The following RAB28 variants were observed in gnomAD, a reference collection of about 807,000 sequenced individuals.
RAB28 encodes RAB28, member RAS oncogene family, also known as ras-related protein Rab-28.
RAB28 carries 24 observed loss-of-function variants against 31.7 expected under a neutral mutation model. The ratio of observed to expected loss-of-function variants is 0.76; its 90% confidence interval spans 0.55 to 1.06. The LOEUF (loss-of-function observed/expected upper bound fraction) is 1.06. RAB28 is among the 50% of genes least tolerant of loss of function. The probability of loss-of-function intolerance (pLI) is 0.00; values close to 1 mark genes in which losing one functional copy is unlikely to be tolerated. For missense variants in RAB28, 254 were observed against 258.5 expected, an observed-to-expected ratio of 0.98 and a Z score of 0.12; for synonymous variants, 100 against 90.4, an observed-to-expected ratio of 1.11 and a Z score of -0.60.
chr4:13,394,439 G>A (rs1358659345), intron 4 of RAB28, among the ~76,000 whole-genome samples: 1 of 152,140 alleles, frequency 6.6e-6, no homozygotes, highest in African/African-American at 2.4e-5. Context: ...CTGACAGGAG[G>A]TGGAGCTCAG....
At chr4:13,416,500 A>G (rs553764885) in intron 4 of RAB28, among the ~76,000 whole-genome samples, 1 of 152,368 alleles carries the variant, frequency 6.6e-6, no homozygotes, top group South Asian at 2.1e-4. Flanking sequence ...GTTTAACAAC[A>G]TAGCCAAGTT....
chr4:13,385,183 C>T lies in RAB28; in HGVS notation c.392-3589G>A, dbSNP rs549178146. Among the ~76,000 whole-genome samples, 7 of 152,286 alleles carry T rather than the reference C, an allele frequency of 4.6e-5. No homozygotes were observed. The East Asian group carries it at 1.2e-3, about 25-fold the overall frequency. ...GAATGAAAAGGAATGAACAAAATCT[C>T]TGAGAAATAGGAGATTACATAAAGA... is the stretch of plus-strand genomic sequence containing the variant. On this transcript the variant is annotated intron_variant, in intron 4 of 6. Coordinates refer to ENST00000330852, the MANE Select transcript of RAB28 (RefSeq NM_001017979.3).
chr4:13,433,121 C>T (rs1337527366), intron 4 of RAB28, among the ~76,000 whole-genome samples: 1 of 146,526 alleles, frequency 6.8e-6, no homozygotes, highest in Non-Finnish European at 1.5e-5. Context: ...GGAGAAAGAT[C>T]TATCATGCAA....
chr4:13,415,483 C>A lies in RAB28; in HGVS notation c.392-33889G>T, dbSNP rs532941818. Among the ~76,000 whole-genome samples, 169 of 152,276 alleles carry A rather than the reference C, an allele frequency of 1.1e-3. 2 individuals carry two copies. The highest frequency in any genetic ancestry group is 3.4e-3 in the Middle Eastern group (1 of 294). Reference sequence around the variant, plus strand: ...GTGAGTGTGGGCTCAGCGGGCTGCACTCAGAGCGCCCGGCCAGCCCTGCCG... The same window carrying A: ...GTGAGTGTGGGCTCAGCGGGCTGCAATCAGAGCGCCCGGCCAGCCCTGCCG... On this transcript the variant is annotated intron_variant, in intron 4 of 6. Coordinates refer to ENST00000330852, the MANE Select transcript of RAB28 (RefSeq NM_001017979.3).
intron 5 of RAB28, among the ~76,000 whole-genome samples, chr4:13,378,776 G>C (rs1729017579): frequency 6.6e-6 from 1 of 152,154 alleles, no homozygotes; most frequent in Admixed American, 6.5e-5. Context: ...GGGTAAGTAG[G>C]ATGAGGTTAG....
rs558365159 is a variant in RAB28 at position 13,436,142 on chromosome 4, A to C, written c.391+24557T>G. Among the ~76,000 whole-genome samples, 85 of 152,280 alleles carry C rather than the reference A, an allele frequency of 5.6e-4. No homozygotes were observed. In the Middle Eastern group the frequency reaches 0.01, roughly 18 times the overall value. On this transcript the variant is annotated intron_variant, in intron 4 of 6. Coordinates refer to ENST00000330852, the MANE Select transcript of RAB28 (RefSeq NM_001017979.3). The stretch of plus-strand genomic sequence containing the variant: ...CTCAATAGATTCAGAAAAGGCATTC[A>C]ATAAAATGCAACATCCCTTAATGAT...
chr4:13,474,045 C>T (rs1716237339), intron 3 of RAB28: 1 of 537,702 alleles, frequency 1.9e-6, no homozygotes, highest in African/African-American at 1.9e-5. Context: ...TCATTTATCA[C>T]TGCATTTATT....
chr4:13,465,166 GTAGGTACA>G (rs1309015872), intron 3 of RAB28, among the ~76,000 whole-genome samples: 1 of 151,974 alleles, frequency 6.6e-6, no homozygotes, highest in Non-Finnish European at 1.5e-5. Flanking sequence ...ACAGTCCCAA[GTAGGTACA>G]TCATACGCAC....
At chr4:13,437,036 G>A (rs962179189) in intron 4 of RAB28, among the ~76,000 whole-genome samples, 6 of 152,104 alleles carry the variant, frequency 3.9e-5, no homozygotes, top group African/African-American at 1.4e-4. Flanking sequence ...GAACAAAATA[G>A]AGAACCCAGA....
chr4:13,472,116 T>C (rs1451762235), intron 3 of RAB28, among the ~76,000 whole-genome samples: 1 of 152,028 alleles, frequency 6.6e-6, no homozygotes, highest in African/African-American at 2.4e-5. Flanking sequence ...ATTGTGAGTG[T>C]ACTAAATGAC....
chr4:13,433,461 GAAAC>G (rs928049580), intron 4 of RAB28, among the ~76,000 whole-genome samples: 4 of 152,032 alleles, frequency 2.6e-5, no homozygotes, highest in East Asian at 3.9e-4. Context: ...GCAAAACAAA[GAAAC>G]AAACAAACGA....
intron 6 of RAB28, chr4:13,370,786 T>A (rs948711588): frequency 2.0e-6 from 2 of 976,692 alleles, no homozygotes; most frequent in Admixed American, 6.2e-5. Flanking sequence ...AAAAAAAAAA[T>A]CACAAGGTAC....
chr4:13,369,791 A>G (rs928686636), intron 6 of RAB28: 8 of 1,295,700 alleles, frequency 6.2e-6, no homozygotes, highest in Non-Finnish European at 8.3e-6. Context: ...TTCCCTATTC[A>G]TAGGGAATAA....
At chr4:13,452,527 C>A (rs1180098417) in intron 4 of RAB28, among the ~76,000 whole-genome samples, 1 of 151,984 alleles carries the variant, frequency 6.6e-6, no homozygotes, top group Non-Finnish European at 1.5e-5. Flanking sequence ...TTCCCTCACC[C>A]ACTGGTCATT....
At chr4:13,471,669 C>T (rs1716128480) in intron 3 of RAB28, among the ~76,000 whole-genome samples, 1 of 151,942 alleles carries the variant, frequency 6.6e-6, no homozygotes, top group Non-Finnish European at 1.5e-5. Flanking sequence ...GACCTATCAT[C>T]TATTTTTGAC....
intron 4 of RAB28, among the ~76,000 whole-genome samples, chr4:13,431,678 C>CA (rs1386809284): frequency 6.6e-6 from 1 of 152,028 alleles, no homozygotes; most frequent in Non-Finnish European, 1.5e-5. Context: ...TACCCACAAC[C>CA]AAGGAGCCCA....
chr4:13,382,753 C>T (rs1355165269), intron 4 of RAB28, among the ~76,000 whole-genome samples: 2 of 136,934 alleles, frequency 1.5e-5, no homozygotes, highest in Non-Finnish European at 3.0e-5. Flanking sequence ...GGCTGGAGTG[C>T]AATGGCATGA....
chr4:13,375,784 C>A (rs1728897200), intron 6 of RAB28, among the ~76,000 whole-genome samples: 1 of 149,396 alleles, frequency 6.7e-6, no homozygotes, highest in East Asian at 1.9e-4. Flanking sequence ...CACACACACA[C>A]ACACACACAC....
At chr4:13,451,749 T>C (rs964631735) in intron 4 of RAB28, among the ~76,000 whole-genome samples, 1 of 151,930 alleles carries the variant, frequency 6.6e-6, no homozygotes, top group African/African-American at 2.4e-5. Flanking sequence ...ATTGATTTTA[T>C]ATTTATTGTA....
Sources: gnomAD v4.1 joint callset for allele counts (sites outside exome capture counted in the v4.1 genomes callset) on GRCh38, gnomAD v4.1.1 for gene constraint, MANE v1.5 for transcripts, NCBI Gene and HGNC (gene_info 2026-07-23, HGNC 2026-07-21) for gene names.